The following TSNAX variants were observed in gnomAD, a reference collection of about 807,000 sequenced individuals.
The protein encoded by TSNAX is translin-associated protein X.
A neutral mutation model predicts 33.0 loss-of-function variants in TSNAX; 12 were observed. The observed-to-expected ratio is 0.36, with a 90% CI of 0.23 to 0.59. TSNAX has a LOEUF of 0.59. Among genes scored for constraint, TSNAX ranks in the 20% least tolerant of loss-of-function variants. TSNAX has a pLI of 0.74. For synonymous variants in TSNAX, 110 were observed against 117.2 expected (o/e 0.94, Z 0.40); for missense variants, 267 against 341.3 (o/e 0.78, Z 1.72).
chr1:231,541,899 C>T (rs578167482), intron 3 of TSNAX, among the ~76,000 whole-genome samples: 3 of 152,154 alleles, frequency 2.0e-5, no homozygotes, highest in African/African-American at 4.8e-5. Flanking sequence ...TCTGTTTATA[C>T]AGCTTTCTCC....
intron 4 of TSNAX, among the ~76,000 whole-genome samples, chr1:231,559,982 A>T (rs57323721): frequency 0.039 from 5,601 of 144,594 alleles, 164 homozygotes; most frequent in South Asian, 0.076. Context: ...TATTATTATT[A>T]TTATTTTTTT....
At chr1:231,539,231 A>G (rs1266224531) in intron 3 of TSNAX, among the ~76,000 whole-genome samples, 2 of 152,164 alleles carry the variant, frequency 1.3e-5, no homozygotes, top group Non-Finnish European at 2.9e-5. Context: ...TTACAATTCT[A>G]AAACAATTGC....
chr1:231,558,807 ATC>A (rs1291496790), intron 4 of TSNAX, among the ~76,000 whole-genome samples: 1 of 152,168 alleles, frequency 6.6e-6, no homozygotes, highest in African/African-American at 2.4e-5. Flanking sequence ...AAATGACATC[ATC>A]TGTTTTGTTA....
At chr1:231,529,952 G>C (rs1317020870) in intron 2 of TSNAX, among the ~76,000 whole-genome samples, 2 of 152,162 alleles carry the variant, frequency 1.3e-5, no homozygotes, top group Non-Finnish European at 2.9e-5. Context: ...ATCTGGGAAG[G>C]GCTTAGCTGG....
chr1:231,564,839 A>C lies in TSNAX; in HGVS notation c.807A>C (p.Lys269Asn). ...AAGTCAGAGGGTCAGAAATTCCAAAACATATGTTGGCAGATGTGTTTTCAG... is the reference window on the plus strand; with the variant it reads ...AAGTCAGAGGGTCAGAAATTCCAAACCATATGTTGGCAGATGTGTTTTCAG... Reference protein sequence around the residue: ...ALKVRGSEIPKHMLADVFSVK... With the variant: ...ALKVRGSEIPNHMLADVFSVK... The change falls in exon 6 of 6, where the codon AAA (lysine) becomes AAC (asparagine). Residue 269 changes from lysine to asparagine, a missense_variant. By Grantham distance (94) the Lys-to-Asn change is moderately conservative (BLOSUM62 0). Around this residue, in one of 2 missense-constraint regions of TSNAX, gnomAD observed 67 missense variants for 127.2 expected, o/e 0.53. Transcript: ENST00000366639. 1 of 1,614,200 alleles carries C rather than the reference A, an allele frequency of 6.2e-7. No homozygotes were observed.
chr1:231,555,734 G>T (rs185446902), intron 4 of TSNAX, among the ~76,000 whole-genome samples: 55 of 152,298 alleles, frequency 3.6e-4, no homozygotes, highest in African/African-American at 1.3e-3. Flanking sequence ...GGCTTACAGA[G>T]ATGATTGGAG....
At chr1:231,551,799 A>T (rs937980933) in intron 4 of TSNAX, among the ~76,000 whole-genome samples, 7 of 120,950 alleles carry the variant, frequency 5.8e-5, no homozygotes, top group Non-Finnish European at 9.7e-5. Context: ...ACAAAAAAGT[A>T]AAAAAAAAAA....
chr1:231,552,097 A>G (rs376801289), intron 4 of TSNAX, among the ~76,000 whole-genome samples: 2 of 152,286 alleles, frequency 1.3e-5, no homozygotes, highest in South Asian at 4.1e-4. Flanking sequence ...GGAGTTCGAG[A>G]CCAGCCTAGA....
chr1:231,529,881 T>C (rs984804825), intron 2 of TSNAX, among the ~76,000 whole-genome samples: 5 of 152,310 alleles, frequency 3.3e-5, no homozygotes, highest in Admixed American at 2.0e-4. Context: ...CAAAACAAAA[T>C]CCTCTTCCTT....
chr1:231,565,780 A>G lies in TSNAX; in HGVS notation c.*875A>G, dbSNP rs1274650240. 1.3e-5 allele frequency: 2 copies of G among 152,194 alleles called. No homozygotes were observed. The highest frequency in any genetic ancestry group is 2.9e-5 in the Non-Finnish European group (2 of 68,018). The allele number at this position is 152,194 out of a possible 1,614,324, so 9.4% of individuals were successfully genotyped here. On this transcript the variant is annotated 3_prime_UTR_variant, in exon 6 of 6. Coordinates refer to ENST00000366639, the MANE Select transcript of TSNAX (RefSeq NM_005999.3). Reference sequence around the variant, plus strand: ...AGTTTATAAAGTATTATAGTGAAAAATTCGCATTCTGGCTGATTTTAAGCC... The same window carrying G: ...AGTTTATAAAGTATTATAGTGAAAAGTTCGCATTCTGGCTGATTTTAAGCC...
At chr1:231,551,397 G>A (rs575185326) in intron 4 of TSNAX, among the ~76,000 whole-genome samples, 31 of 152,148 alleles carry the variant, frequency 2.0e-4, no homozygotes, top group Non-Finnish European at 3.5e-4. Context: ...TGTAACCTTG[G>A]AACAAAGTGT....
chr1:231,536,865 G>A (rs1184640758), intron 2 of TSNAX: 3 of 158,970 alleles, frequency 1.9e-5, no homozygotes, highest in Admixed American at 6.5e-5. Flanking sequence ...ACGGAGTCTC[G>A]CTCTGTCACC....
intron 2 of TSNAX, among the ~76,000 whole-genome samples, chr1:231,531,158 A>G (rs902989934): frequency 3.9e-5 from 6 of 151,956 alleles, no homozygotes; most frequent in Admixed American, 1.3e-4. Context: ...GGGTTTCGCC[A>G]TGTTGCTGGA....
intron 1 of TSNAX, 96 bp downstream of exon 1, chr1:231,528,922 C>T (rs1658450048): frequency 5.3e-6 from 8 of 1,522,550 alleles, no homozygotes; most frequent in East Asian, 2.3e-5. Flanking sequence ...TGAAGGATGC[C>T]TTCGTCCCTT....
Position 231,529,516 on chromosome 1 carries a change from G to A in TSNAX, c.121+157G>A, listed in dbSNP as rs1658512063. Among the ~76,000 whole-genome samples the A allele has an allele frequency of 2.6e-5, 4 of 152,158 alleles. No homozygotes were observed. The South Asian group carries it at 8.3e-4, about 31-fold the overall frequency. The stretch of plus-strand genomic sequence containing the variant: ...TACCCTAAAAGTCTGGATTACAAAG[G>A]CCTTCACTTTTATGTCCCATTAAGA... On this transcript the variant is annotated intron_variant, in intron 2 of 5. Coordinates refer to ENST00000366639, the MANE Select transcript of TSNAX (RefSeq NM_005999.3).
chr1:231,534,036 CTT>C (rs1558119588), intron 2 of TSNAX: 1 of 152,122 alleles, frequency 6.6e-6, no homozygotes, highest in Admixed American at 6.6e-5. Flanking sequence ...TGTAATGTCT[CTT>C]TTTAGTTTTC....
intron 4 of TSNAX, among the ~76,000 whole-genome samples, chr1:231,559,081 TG>T (rs1455528002): frequency 1.3e-5 from 2 of 151,316 alleles, no homozygotes; most frequent in African/African-American, 4.8e-5. Flanking sequence ...TAGTGGCAGG[TG>T]GGGGAGACTT....
At chr1:231,542,179 G>A (rs1202281433) in intron 3 of TSNAX, among the ~76,000 whole-genome samples, 1 of 152,124 alleles carries the variant, frequency 6.6e-6, no homozygotes, top group Non-Finnish European at 1.5e-5. Context: ...TGTTTAAGGA[G>A]GGAGGATAAA....
rs1659252873 is a variant in TSNAX at position 231,537,414 on chromosome 1, AG to A, written c.236+88del. On this transcript the variant is annotated intron_variant, in intron 3 of 5. Coordinates refer to ENST00000366639, the MANE Select transcript of TSNAX (RefSeq NM_005999.3). ...TTTGTGAGGATTAGAAGACATCAGC[AG>A]TAGGTACAACTTAAGAGTTAATATT... is the stretch of plus-strand genomic sequence containing the variant. 12 of 844,098 alleles carry A rather than the reference AG, an allele frequency of 1.4e-5. No individual in the cohort carries two copies. In the East Asian group the frequency reaches 3.4e-4, roughly 24 times the overall value. 52.3% of individuals were successfully genotyped at this position (844,098 alleles called of 1,614,324 possible).
Sources: gnomAD v4.1 joint callset for allele counts (sites outside exome capture counted in the v4.1 genomes callset) on GRCh38, gnomAD v4.1.1 for gene constraint, gnomAD v4.1.1 regional missense constraint, MANE v1.5 for transcripts, NCBI Gene and HGNC (gene_info 2026-07-23, HGNC 2026-07-21) for gene names.